UMAD1: variants seen among roughly 807,000 people sequenced by gnomAD.
UMAD1 encodes UBAP1-MVB12-associated (UMA)-domain containing protein 1.
UMAD1 carries 8 observed loss-of-function variants against 6.1 expected under a neutral mutation model. That is an observed-to-expected ratio of 1.30 (90% CI 0.76 to 2.35). UMAD1 has a LOEUF of 2.35. Among genes scored for constraint, UMAD1 ranks in the 30% most tolerant of loss-of-function variants. UMAD1 has a pLI of 0.00. For missense variants in UMAD1, 130 were observed against 78.4 expected, an observed-to-expected ratio of 1.66 and a Z score of -2.49; for synonymous variants, 56 against 31.4, an observed-to-expected ratio of 1.78 and a Z score of -2.61.
At chr7:7,734,552 T>C (rs1376091564) in intron 2 of UMAD1, among the ~76,000 whole-genome samples, 1 of 152,162 alleles carries the variant, frequency 6.6e-6, no homozygotes, top group Non-Finnish European at 1.5e-5. Context: ...TTGAAAGATG[T>C]TATTCTTCAT....
intron 3 of UMAD1, among the ~76,000 whole-genome samples, chr7:7,823,658 T>C (rs1013681929): frequency 6.6e-6 from 1 of 152,172 alleles, no homozygotes; most frequent in Non-Finnish European, 1.5e-5. Context: ...GAAAATGCTT[T>C]CTTTTTTATT....
chr7:7,834,321 C>T (rs944346558), intron 3 of UMAD1, among the ~76,000 whole-genome samples: 1 of 152,092 alleles, frequency 6.6e-6, no homozygotes, highest in African/African-American at 2.4e-5. Context: ...CCATGCCTGG[C>T]CTATCCCTAA....
At chr7:7,659,857 G>GTT (rs1785431749) in intron 1 of UMAD1, among the ~76,000 whole-genome samples, 2 of 152,130 alleles carry the variant, frequency 1.3e-5, no homozygotes, top group Admixed American at 1.3e-4. Context: ...GAATATCCTT[G>GTT]TTAATTTTCT....
At chr7:7,785,275 T>C (rs1054063505) in intron 2 of UMAD1, among the ~76,000 whole-genome samples, 2 of 152,208 alleles carry the variant, frequency 1.3e-5, no homozygotes, top group Admixed American at 1.3e-4. Context: ...ACTCATTGAA[T>C]ATTTCTTCAA....
chr7:7,797,251 G>A (rs1017321065), intron 2 of UMAD1, among the ~76,000 whole-genome samples: 2 of 152,096 alleles, frequency 1.3e-5, no homozygotes, highest in African/African-American at 4.8e-5. Flanking sequence ...ATTACCACAG[G>A]GAGGGTACTT....
At position 7,778,646 on chromosome 7, in the gene UMAD1, C is replaced by T. The variant is rs77833541; in HGVS notation, c.83-23024C>T. ...GCCCAAAGTAGTTTCAAATTCATGG[C>T]CTCAAGTGATCCTCCTACCTTGGCC... On this transcript the variant is annotated intron_variant, in intron 2 of 3. Transcript: ENST00000682710. Among the ~76,000 whole-genome samples the T allele has an allele frequency of 1.0e-3, 158 of 152,090 alleles. 2 individuals carry two copies. The East Asian group carries it at 0.028, about 27-fold the overall frequency.
At chr7:7,670,335 A>G (rs745461629) in intron 1 of UMAD1, among the ~76,000 whole-genome samples, 1 of 152,208 alleles carries the variant, frequency 6.6e-6, no homozygotes, top group Non-Finnish European at 1.5e-5. Context: ...AAGAGGAGCC[A>G]CTTCGTAAAG....
chr7:7,793,308 T>C (rs1215457901), intron 2 of UMAD1, among the ~76,000 whole-genome samples: 5 of 152,230 alleles, frequency 3.3e-5, no homozygotes. Context: ...GGTAGAGTTC[T>C]GTCAGATTTC....
At chr7:7,778,512 C>T (rs1187030212) in intron 2 of UMAD1, among the ~76,000 whole-genome samples, 1 of 151,626 alleles carries the variant, frequency 6.6e-6, no homozygotes, top group Non-Finnish European at 1.5e-5. Context: ...CAGTTTCAAC[C>T]TTCTGTGATC....
At chr7:7,748,039 C>T (rs370615274) in intron 2 of UMAD1, among the ~76,000 whole-genome samples, 26 of 151,608 alleles carry the variant, frequency 1.7e-4, no homozygotes, top group African/African-American at 4.8e-4. Flanking sequence ...TGGGTTCAAA[C>T]GATTCTCCTG....
rs184342949 is a variant in UMAD1, at chr7:7,795,137, C to A, written c.83-6533C>A. Among the ~76,000 whole-genome samples, 11 of 152,308 alleles carry A rather than the reference C, an allele frequency of 7.2e-5. No individual in the cohort carries two copies. In the East Asian group the frequency reaches 2.1e-3, roughly 29 times the overall value. The stretch of plus-strand genomic sequence containing the variant: ...TGACTTATGTCTTTGCCTGTAATTT[C>A]TTTCTCTCTAAAATATATAAAACCA... On this transcript the variant is annotated intron_variant, in intron 2 of 3. Transcript: ENST00000682710.
chr7:7,770,383 C>T (rs931777756), intron 2 of UMAD1, among the ~76,000 whole-genome samples: 3 of 152,198 alleles, frequency 2.0e-5, no homozygotes, highest in African/African-American at 7.2e-5. Context: ...TTTCTTACCA[C>T]AGTCCCTTTC....
intron 2 of UMAD1, among the ~76,000 whole-genome samples, chr7:7,768,064 A>G (rs1782028759): frequency 6.6e-6 from 1 of 151,942 alleles, no homozygotes; most frequent in Admixed American, 6.6e-5. Context: ...TCTTTTTAAA[A>G]TTTCTAGCCC....
chr7:7,809,671 T>A (rs147477069), intron 3 of UMAD1, among the ~76,000 whole-genome samples: 95 of 152,076 alleles, frequency 6.2e-4, no homozygotes, highest in African/African-American at 2.1e-3. Flanking sequence ...TGAGACTTTG[T>A]CCCTTTTGAT....
chr7:7,862,847 A>G (rs1784139499), intron 3 of UMAD1, among the ~76,000 whole-genome samples: 1 of 152,234 alleles, frequency 6.6e-6, no homozygotes, highest in Non-Finnish European at 1.5e-5. Flanking sequence ...ACTACAGACA[A>G]GTAACCTTTA....
At chr7:7,838,636 A>T (rs550973188) in intron 3 of UMAD1, among the ~76,000 whole-genome samples, 2 of 152,280 alleles carry the variant, frequency 1.3e-5, no homozygotes, top group South Asian at 4.2e-4. Context: ...ACACTGATAG[A>T]CATACAAGAA....
At chr7:7,820,218 A>G (rs145680757) in intron 3 of UMAD1, among the ~76,000 whole-genome samples, 1,085 of 39,916 alleles carry the variant, frequency 0.027, 8 homozygotes, top group African/African-American at 0.066. Context: ...TGATTAAATT[A>G]TAGATAAATT....
intron 2 of UMAD1, among the ~76,000 whole-genome samples, chr7:7,752,454 A>G (rs1460798932): frequency 2.6e-5 from 4 of 152,146 alleles, no homozygotes; most frequent in Non-Finnish European, 5.9e-5. Flanking sequence ...GTCAAAGAGT[A>G]TATATATTAG....
intron 2 of UMAD1, among the ~76,000 whole-genome samples, chr7:7,715,644 A>T (rs1780882319): frequency 6.6e-6 from 1 of 152,220 alleles, no homozygotes; most frequent in South Asian, 2.1e-4. Flanking sequence ...TTTAAAAATG[A>T]AAATAAAGAT....
Sources: gnomAD v4.1 joint callset for allele counts (sites outside exome capture counted in the v4.1 genomes callset) on GRCh38, gnomAD v4.1.1 for gene constraint, MANE v1.5 for transcripts, NCBI Gene and HGNC (gene_info 2026-07-23, HGNC 2026-07-21) for gene names.